AP4E1: variants seen among roughly 807,000 people sequenced by gnomAD.
The protein encoded by AP4E1 is AP-4 complex subunit epsilon-1.
A neutral mutation model predicts 128.2 loss-of-function variants in AP4E1; 56 were observed. The observed-to-expected ratio is 0.44, with a 90% confidence interval of 0.35 to 0.55. The LOEUF (loss-of-function observed/expected upper bound fraction) is 0.55. AP4E1 is among the 20% of genes least tolerant of loss of function. The pLI, the probability that AP4E1 is intolerant of heterozygous loss-of-function variation, is 0.00. For missense variants in AP4E1, 1,324 were observed against 1,307.7 expected (o/e 1.01, Z -0.19); for synonymous variants, 484 against 473.1 (o/e 1.02, Z -0.30).
intron 14 of AP4E1, among the ~76,000 whole-genome samples, chr15:50,968,013 T>G (rs2140893149): frequency 6.6e-6 from 1 of 152,290 alleles, no homozygotes; most frequent in African/African-American, 2.4e-5. Flanking sequence ...AGAGATGGGG[T>G]TTTGCCATGT....
chr15:50,987,464 A>T (rs569382232), intron 16 of AP4E1, among the ~76,000 whole-genome samples: 1 of 152,282 alleles, frequency 6.6e-6, no homozygotes, highest in East Asian at 1.9e-4. Flanking sequence ...CCCTCTACAC[A>T]CTACTTTAAA....
At chr15:50,933,265 T>A (rs539129376) in intron 7 of AP4E1, among the ~76,000 whole-genome samples, 1 of 152,316 alleles carries the variant, frequency 6.6e-6, no homozygotes, top group South Asian at 2.1e-4. Context: ...TGAGATTTTA[T>A]TTTAACATAA....
intron 6 of AP4E1, 87 bp from the exon 7 acceptor site, chr15:50,930,718 A>T: frequency 7.9e-7 from 1 of 1,267,360 alleles, no homozygotes; most frequent in Non-Finnish European, 1.1e-6. Flanking sequence ...AGTATGTATT[A>T]AGTCAGGTTC....
chr15:51,002,144 G>A (rs2064971646), intron 20 of AP4E1, among the ~76,000 whole-genome samples: 1 of 152,178 alleles, frequency 6.6e-6, no homozygotes, highest in Admixed American at 6.5e-5. Flanking sequence ...GCCTCCCAAA[G>A]TGCTGGGATT....
intron 16 of AP4E1, among the ~76,000 whole-genome samples, chr15:50,987,393 T>C (rs1595574676): frequency 6.6e-6 from 1 of 152,324 alleles, no homozygotes; most frequent in South Asian, 2.1e-4. Context: ...AATTGTGATG[T>C]TAGGGTGTCA....
rs1230586053 is a variant in AP4E1, at chr15:50,958,640, A to G, written c.1697A>G (p.His566Arg). 1.2e-6 allele frequency: 2 copies of G among 1,614,106 alleles called. No individual in the cohort carries two copies. Among genetic ancestry groups the G allele is most frequent in the East Asian group, 4.5e-5 (2 of 44,870 alleles). The change falls in exon 14 of 21, where the codon CAC becomes CGC. Residue 566 changes from histidine to arginine, a missense_variant. Physicochemically the swap from His to Arg is conservative, Grantham distance 29. Transcript: ENST00000261842. ...AAVTKLTSQAHSSNTVERLIH... is the reference protein window; with the variant it reads ...AAVTKLTSQARSSNTVERLIH... ...GTGACCAAATTGACATCTCAGGCGCACTCTTCTAATACAGTTGAGAGATTA... is the reference window on the plus strand; with the variant it reads ...GTGACCAAATTGACATCTCAGGCGCGCTCTTCTAATACAGTTGAGAGATTA...
At position 51,005,257 on chromosome 15, in the gene AP4E1, T is replaced by TG; in HGVS notation, c.*2599dup. On this transcript the variant is annotated 3_prime_UTR_variant, in exon 21 of 21. Transcript: ENST00000261842. ...ATTTAGTCAGTGAAGGGACAACATC[T>TG]GGGGTAAGAGCTATGGAGGAGGTGC... is the stretch of plus-strand genomic sequence containing the variant. 1 of 152,518 alleles carries TG rather than the reference T, an allele frequency of 6.6e-6. No homozygotes were observed. The highest frequency in any genetic ancestry group is 2.1e-4 in the South Asian group (1 of 4,828). 9.4% of individuals were successfully genotyped at this position (152,518 alleles called of 1,614,324 possible).
rs891974929 is a variant in AP4E1, at chr15:50,915,491, T to A, written c.266T>A (p.Met89Lys). 1.2e-6 allele frequency: 2 copies of A among 1,613,574 alleles called. No individual in the cohort carries two copies. Among genetic ancestry groups the A allele is most frequent in the African/African-American group, 2.7e-5 (2 of 75,034 alleles). ...ECMVRLIYCEMLGYDASFGYI... is the reference protein window; with the variant it reads ...ECMVRLIYCEKLGYDASFGYI... Reference sequence around the variant, plus strand: ...ATGGTGAGACTTATATATTGTGAAATGCTTGGATATGATGCTTCCTTTGGC... The same window carrying A: ...ATGGTGAGACTTATATATTGTGAAAAGCTTGGATATGATGCTTCCTTTGGC... Residue 89 changes from methionine to lysine, a missense_variant, in exon 3 of 21, where the codon ATG (methionine) becomes AAG (lysine). Physicochemically the swap from Met to Lys is moderately conservative, Grantham distance 95. Coordinates refer to ENST00000261842, the MANE Select transcript of AP4E1 (RefSeq NM_007347.5).
intron 13 of AP4E1, among the ~76,000 whole-genome samples, chr15:50,954,094 C>T (rs1388845796): frequency 6.6e-6 from 1 of 152,094 alleles, no homozygotes; most frequent in Non-Finnish European, 1.5e-5. Flanking sequence ...TTTTGTATTT[C>T]GATCTTGTAT....
At chr15:50,965,762 A>T (rs2064383392) in intron 14 of AP4E1, among the ~76,000 whole-genome samples, 1 of 152,070 alleles carries the variant, frequency 6.6e-6, no homozygotes, top group Non-Finnish European at 1.5e-5. Context: ...TTATTTTGTC[A>T]ATCTACTTGT....
chr15:50,924,687 A>G (rs976333416), intron 4 of AP4E1, among the ~76,000 whole-genome samples: 1 of 152,216 alleles, frequency 6.6e-6, no homozygotes, highest in African/African-American at 2.4e-5. Flanking sequence ...ATATGGATAG[A>G]TAAGTACATA....
Position 50,993,358 on chromosome 15 carries a change from C to T in AP4E1, c.2091-12C>T. ...ATTTAAGTTGACTTGATTTTATTATCAACCTCCTTAGGACAAATAGCTTGA... is the reference window on the plus strand; with the variant it reads ...ATTTAAGTTGACTTGATTTTATTATTAACCTCCTTAGGACAAATAGCTTGA... On this transcript the variant is annotated splice_polypyrimidine_tract_variant and intron_variant, in intron 16 of 20. Coordinates refer to ENST00000261842, the MANE Select transcript of AP4E1 (RefSeq NM_007347.5). 6.2e-7 allele frequency: 1 copy of T among 1,613,624 alleles called. No homozygotes were observed. Among genetic ancestry groups the T allele is most frequent in the Non-Finnish European group, 8.5e-7 (1 of 1,179,754 alleles).
At chr15:50,989,419 AATAATAG>A (rs1161088965) in intron 16 of AP4E1, among the ~76,000 whole-genome samples, 2 of 151,992 alleles carry the variant, frequency 1.3e-5, no homozygotes, top group African/African-American at 2.4e-5. Context: ...GAAAGATACT[AATAATAG>A]ATCATGAGGA....
intron 15 of AP4E1, among the ~76,000 whole-genome samples, chr15:50,969,536 A>T (rs959037111): frequency 2.6e-5 from 4 of 152,064 alleles, no homozygotes; most frequent in Admixed American, 6.5e-5. Flanking sequence ...ACAAATAATT[A>T]TACATATTCA....
Position 51,005,659 on chromosome 15 carries a change from A to G in AP4E1, c.*2997A>G, listed in dbSNP as rs1246622940. The G allele has an allele frequency of 6.6e-6, 1 of 152,616 alleles. No individual in the cohort carries two copies. Among genetic ancestry groups the G allele is most frequent in the East Asian group, 1.9e-4 (1 of 5,204 alleles). The allele number at this position is 152,616 out of a possible 1,614,324, so 9.5% of individuals were successfully genotyped here. A position where few individuals can be genotyped will look rare whatever the true frequency, so the allele number is the denominator to read the frequency against. On this transcript the variant is annotated 3_prime_UTR_variant, in exon 21 of 21. Coordinates refer to ENST00000261842, the MANE Select transcript of AP4E1 (RefSeq NM_007347.5). ...TTTTATGTCAGCAATATTTTAAAAT[A>G]TTGATCTGTTTATCTTATATTTTTA...
chr15:50,949,634 A>G (rs1050606155), intron 11 of AP4E1, among the ~76,000 whole-genome samples, 192 bp from the exon 12 acceptor site: 4 of 152,166 alleles, frequency 2.6e-5, no homozygotes, highest in Non-Finnish European at 4.4e-5. Flanking sequence ...TCAGTTTATT[A>G]AGTTTATTAA....
At chr15:50,927,109 T>C (rs2141151061) in intron 5 of AP4E1, among the ~76,000 whole-genome samples, 1 of 152,356 alleles carries the variant, frequency 6.6e-6, no homozygotes, top group South Asian at 2.1e-4. Flanking sequence ...CAGCATATTT[T>C]TGCTTAACTT....
intron 6 of AP4E1, among the ~76,000 whole-genome samples, chr15:50,929,937 G>A (rs1229649355): frequency 1.3e-5 from 2 of 151,876 alleles, no homozygotes; most frequent in Non-Finnish European, 2.9e-5. Flanking sequence ...TTCCTTTTAA[G>A]GAGTGTGGAT....
At chr15:50,965,579 A>G (rs544874373) in intron 14 of AP4E1, among the ~76,000 whole-genome samples, 20 of 152,366 alleles carry the variant, frequency 1.3e-4, no homozygotes, top group African/African-American at 4.8e-4. Flanking sequence ...ATACAGAGGA[A>G]GGAGATGCAT....
Sources: allele counts gnomAD v4.1 joint callset (sites outside exome capture counted in the v4.1 genomes callset), GRCh38; gene constraint gnomAD v4.1.1; transcripts MANE v1.5; gene names NCBI Gene and HGNC (gene_info 2026-07-23, HGNC 2026-07-21).